Variants in SVEP1 observed in about 807,000 individuals in gnomAD.
The protein encoded by SVEP1 is sushi, von Willebrand factor type A, EGF and pentraxin domain-containing protein 1.
In SVEP1, 164 loss-of-function variants were observed where a neutral mutation model predicts 367.3. That is an observed-to-expected ratio of 0.45 (90% CI 0.39 to 0.51). The LOEUF (loss-of-function observed/expected upper bound fraction) is 0.51. Ranked by LOEUF, SVEP1 falls within the 20% of genes least tolerant of loss-of-function variation. The pLI, the probability that SVEP1 is intolerant of heterozygous loss-of-function variation, is 0.00. For synonymous variants in SVEP1, 1,666 were observed against 1,611.6 expected (o/e 1.03, Z -0.81); for missense variants, 4,117 against 4,425.3 (o/e 0.93, Z 1.98).
At chr9:110,528,318 A>ATACCCAG (rs1829972538) in intron 3 of SVEP1, among the ~76,000 whole-genome samples, 1 of 151,318 alleles carries the variant, frequency 6.6e-6, no homozygotes, top group Non-Finnish European at 1.5e-5. Context: ...CTTTGTGTAG[A>ATACCCAG]TACCCAGTAG....
At chr9:110,529,338 C>T (rs972279836) in intron 3 of SVEP1, among the ~76,000 whole-genome samples, 2 of 151,770 alleles carry the variant, frequency 1.3e-5, no homozygotes, top group South Asian at 2.1e-4. Context: ...TTTGCTTTGG[C>T]TCTTTGGGAT....
At chr9:110,379,307 G>A (rs1827398771) in intron 44 of SVEP1, 40 bp downstream of exon 44, 8 of 1,597,256 alleles carry the variant, frequency 5.0e-6, no homozygotes, top group Non-Finnish European at 6.8e-6. Context: ...ACATTTCCCT[G>A]CAGTTTCACT....
In SVEP1 at chr9:110,465,998, G is replaced by A. The variant is rs1361097046; in HGVS notation, c.3189C>T (p.Tyr1063=). 6.2e-7 allele frequency: 1 copy of A among 1,613,506 alleles called. No individual in the cohort carries two copies. Among genetic ancestry groups the A allele is most frequent in the African/African-American group, 1.3e-5 (1 of 74,928 alleles). ...ACGATTCACAAGTCTCAAGTCCACT[G>A]TATGAGTAGGTGCCTTGTTTACACT... ...KAQCKQGTYS[Y]SGLETCESCP... The change falls in exon 18 of 48, where the codon TAC becomes TAT. Residue 1063 remains tyrosine, a synonymous_variant. Coordinates refer to ENST00000374469, the MANE Select transcript of SVEP1 (RefSeq NM_153366.4).
intron 33 of SVEP1, 50 bp downstream of exon 33, chr9:110,430,224 C>A: frequency 6.4e-7 from 1 of 1,553,814 alleles, no homozygotes. Flanking sequence ...TACGCCTTAC[C>A]TTTCTAGGAT....
intron 3 of SVEP1, among the ~76,000 whole-genome samples, chr9:110,524,716 ACT>A (rs1829920234): frequency 6.8e-6 from 1 of 146,134 alleles, no homozygotes; most frequent in African/African-American, 2.5e-5. Flanking sequence ...TATTATTATT[ACT>A]TTTTTTTTTT....
At chr9:110,397,471 A>G (rs11534241) in intron 40 of SVEP1, among the ~76,000 whole-genome samples, 12,155 of 152,196 alleles carry the variant, frequency 0.08, 701 homozygotes, top group East Asian at 0.3. Flanking sequence ...CCTATTCAAC[A>G]TAGTGTTGGA....
intron 21 of SVEP1, 42 bp from the exon 22 acceptor site, chr9:110,455,745 G>T: frequency 6.7e-7 from 1 of 1,488,650 alleles, no homozygotes; most frequent in South Asian, 1.3e-5. Context: ...CCAAGGATGG[G>T]ATTAACCGAA....
chr9:110,366,418 C>G lies in SVEP1; in HGVS notation c.*121G>C. ...AAATAAAAAAAGTAACCCCAAGTAA[C>G]AAGTTTACTAAACAAGACCCAGCAC... On this transcript the variant is annotated 3_prime_UTR_variant, in exon 48 of 48. Coordinates refer to ENST00000374469, the MANE Select transcript of SVEP1 (RefSeq NM_153366.4). 2.1e-6 allele frequency: 2 copies of G among 966,384 alleles called. No homozygotes were observed. The highest frequency in any genetic ancestry group is 2.8e-6 in the Non-Finnish European group (2 of 707,432). 59.9% of individuals were successfully genotyped at this position (966,384 alleles called of 1,614,324 possible).
intron 43 of SVEP1, among the ~76,000 whole-genome samples, chr9:110,381,164 T>C (rs894512520): frequency 1.3e-4 from 20 of 152,166 alleles, no homozygotes; most frequent in Admixed American, 4.6e-4. Flanking sequence ...GCTCCTTGAT[T>C]AATTGATTGT....
intron 24 of SVEP1, among the ~76,000 whole-genome samples, 167 bp from the exon 25 acceptor site, chr9:110,447,224 C>T (rs1889322): frequency 0.45 from 68,863 of 152,008 alleles, 15,658 homozygotes; most frequent in Admixed American, 0.48. Context: ...TTGATTAAAT[C>T]TATGTAAGAC....
At chr9:110,390,064 A>AAGTATATATACAC (rs1827610235) in intron 40 of SVEP1, among the ~76,000 whole-genome samples, 1 of 118,050 alleles carries the variant, frequency 8.5e-6, no homozygotes, top group African/African-American at 3.0e-5. Context: ...TATATATATA[A>AAGTATATATACAC]GTATATATAT....
chr9:110,569,769 A>T (rs1830532303), intron 1 of SVEP1, among the ~76,000 whole-genome samples: 1 of 152,252 alleles, frequency 6.6e-6, no homozygotes, highest in Non-Finnish European at 1.5e-5. Flanking sequence ...TAGACATAGT[A>T]ATTAGAATCT....
Position 110,430,278 on chromosome 9 carries a change from A to G in SVEP1, c.5526T>C (p.Cys1842=), listed in dbSNP as rs373079511. The G allele has an allele frequency of 4.7e-5, 76 of 1,611,074 alleles. No homozygotes were observed. The highest frequency in any genetic ancestry group is 6.3e-5 in the Non-Finnish European group (74 of 1,178,662). ...TGGTAAATTTACTAAACATACCTTT[A>G]CAATATGGTATTAGATGATTCCATT... is the stretch of plus-strand genomic sequence containing the variant. ...SGEWNHLIPY[C]KAVSCGKPAI... Residue 1842 remains cysteine (C), a synonymous_variant, in exon 33 of 48, where the codon TGT becomes TGC. Coordinates refer to ENST00000374469, the MANE Select transcript of SVEP1 (RefSeq NM_153366.4).
At chr9:110,489,526 G>A (rs1193401324) in intron 9 of SVEP1, 124 bp downstream of exon 9, 3 of 906,628 alleles carry the variant, frequency 3.3e-6, no homozygotes, top group African/African-American at 3.4e-5. Flanking sequence ...GGACAGCATG[G>A]GAAAGACCCA....
rs552624074 is a variant in SVEP1 at position 110,415,205 on chromosome 9, A to G, written c.5976-3470T>C. On this transcript the variant is annotated intron_variant, in intron 36 of 47. Transcript: ENST00000374469. ...TCTTTCTTTCCCTGGCATTCATTATATCACTTAAGTCTCTTAAAGTCTCTG... is the reference window on the plus strand; with the variant it reads ...TCTTTCTTTCCCTGGCATTCATTATGTCACTTAAGTCTCTTAAAGTCTCTG... Among the ~76,000 whole-genome samples, 4 of 152,220 alleles carry G rather than the reference A, an allele frequency of 2.6e-5. No individual in the cohort carries two copies. In the East Asian group the frequency reaches 5.8e-4, roughly 22 times the overall value.
intron 3 of SVEP1, among the ~76,000 whole-genome samples, chr9:110,524,717 C>T (rs200148584): frequency 0.14 from 19,540 of 143,348 alleles, 1,525 homozygotes; most frequent in East Asian, 0.35. Flanking sequence ...ATTATTATTA[C>T]TTTTTTTTTT....
chr9:110,541,013 CTT>C (rs1436275124), intron 3 of SVEP1, among the ~76,000 whole-genome samples: 1 of 152,132 alleles, frequency 6.6e-6, no homozygotes, highest in Non-Finnish European at 1.5e-5. Flanking sequence ...GGTCAGCTAT[CTT>C]TGGTCTCAAG....
At chr9:110,549,655 A>C (rs1294052310) in intron 2 of SVEP1, among the ~76,000 whole-genome samples, 194 bp downstream of exon 2, 1 of 152,102 alleles carries the variant, frequency 6.6e-6, no homozygotes, top group African/African-American at 2.4e-5. Flanking sequence ...AAACAAAAGG[A>C]ACTCTTGTTG....
At chr9:110,368,400 G>T (rs1315910019) in intron 47 of SVEP1, among the ~76,000 whole-genome samples, 2 of 152,194 alleles carry the variant, frequency 1.3e-5, no homozygotes, top group African/African-American at 4.8e-5. Flanking sequence ...TCCCTTGAAG[G>T]TGAGCTACAC....
Sources: gnomAD v4.1 joint callset for allele counts (sites outside exome capture counted in the v4.1 genomes callset) on GRCh38, gnomAD v4.1.1 for gene constraint, MANE v1.5 for transcripts, NCBI Gene and HGNC (gene_info 2026-07-23, HGNC 2026-07-21) for gene names.